The following PTPRD variants were observed in gnomAD, a reference collection of about 807,000 sequenced individuals.
PTPRD encodes the protein protein tyrosine phosphatase receptor type D.
In PTPRD, 34 loss-of-function variants were observed where a neutral mutation model predicts 214.5. That is an observed-to-expected ratio of 0.16 (90% CI 0.12 to 0.21). PTPRD has a LOEUF of 0.21. PTPRD is among the 10% of genes least tolerant of loss of function. The probability of loss-of-function intolerance (pLI) is 1.00; values close to 1 mark genes in which losing one functional copy is unlikely to be tolerated. For synonymous variants in PTPRD, 1,128 were observed against 845.7 expected (o/e 1.33, Z -5.79); for missense variants, 2,545 against 2,398.7 (o/e 1.06, Z -1.27).
At chr9:10,586,907 A>G (rs1339070350) in intron 2 of PTPRD, among the ~76,000 whole-genome samples, 1 of 151,904 alleles carries the variant, frequency 6.6e-6, no homozygotes, top group Non-Finnish European at 1.5e-5. Context: ...TAATCAACAC[A>G]CTTTTGCTTA....
intron 9 of PTPRD, among the ~76,000 whole-genome samples, chr9:9,253,657 G>C (rs1041728188): frequency 6.6e-6 from 1 of 152,060 alleles, no homozygotes; most frequent in Non-Finnish European, 1.5e-5. Flanking sequence ...ATAAAAAATG[G>C]TTTGAGTGAT....
chr9:9,201,703 AAAT>A (rs1241746219), intron 9 of PTPRD, among the ~76,000 whole-genome samples: 1 of 152,236 alleles, frequency 6.6e-6, no homozygotes, highest in African/African-American at 2.4e-5. Context: ...TAAAAGGTAA[AAAT>A]AATGTTTTGT....
intron 2 of PTPRD, among the ~76,000 whole-genome samples, chr9:10,431,377 A>C (rs2098676662): frequency 6.6e-6 from 1 of 152,034 alleles, no homozygotes; most frequent in Non-Finnish European, 1.5e-5. Flanking sequence ...AGGCATGGGC[A>C]AGGACTTCAT....
intron 2 of PTPRD, among the ~76,000 whole-genome samples, chr9:10,506,709 A>C (rs926362778): frequency 6.6e-6 from 1 of 152,130 alleles, no homozygotes; most frequent in Non-Finnish European, 1.5e-5. Flanking sequence ...AGTTTCCTGC[A>C]ATCAGTGACA....
At chr9:9,596,342 A>G (rs1272648522) in intron 7 of PTPRD, among the ~76,000 whole-genome samples, 1 of 152,038 alleles carries the variant, frequency 6.6e-6, no homozygotes, top group Non-Finnish European at 1.5e-5. Flanking sequence ...TATATTATAT[A>G]GAAATACCTT....
intron 9 of PTPRD, among the ~76,000 whole-genome samples, chr9:9,225,509 G>T (rs2099958856): frequency 6.6e-6 from 1 of 152,012 alleles, no homozygotes; most frequent in African/African-American, 2.4e-5. Flanking sequence ...AATTCCTTGT[G>T]CTACAAATCT....
chr9:9,208,224 C>T (rs890301076), intron 9 of PTPRD, among the ~76,000 whole-genome samples: 1 of 151,488 alleles, frequency 6.6e-6, no homozygotes, highest in African/African-American at 2.4e-5. Flanking sequence ...CCGTGTAAGC[C>T]AGGATGGTCT....
chr9:10,465,099 T>A (rs527409897), intron 2 of PTPRD, among the ~76,000 whole-genome samples: 6 of 152,110 alleles, frequency 3.9e-5, no homozygotes, highest in Non-Finnish European at 7.4e-5. Flanking sequence ...AAACACTGAG[T>A]GCCTTGGAAG....
chr9:9,461,370 G>C (rs1440253114), intron 8 of PTPRD, among the ~76,000 whole-genome samples: 1 of 151,956 alleles, frequency 6.6e-6, no homozygotes, highest in Admixed American at 6.6e-5. Flanking sequence ...TAGAGAAGTT[G>C]TCTGTATTTT....
At chr9:8,761,681 T>C (rs1039523131) in intron 11 of PTPRD, among the ~76,000 whole-genome samples, 1 of 152,196 alleles carries the variant, frequency 6.6e-6, no homozygotes, top group Non-Finnish European at 1.5e-5. Flanking sequence ...GATAATTTTA[T>C]AGACATCTAA....
In PTPRD at chr9:9,510,256, C is replaced by A. The variant is rs560263888; in HGVS notation, c.-237+64476G>T. On this transcript the variant is annotated intron_variant, in intron 8 of 45. Transcript: ENST00000381196. Reference sequence around the variant, plus strand: ...TCCTACATTAAAGTCATTTTTTTTTCTTTTTTGGAACTACTTAGAATAGTA... The same window carrying A: ...TCCTACATTAAAGTCATTTTTTTTTATTTTTTGGAACTACTTAGAATAGTA... Among the ~76,000 whole-genome samples, 4 of 150,448 alleles carry A rather than the reference C, an allele frequency of 2.7e-5. No individual in the cohort carries two copies. The East Asian group carries it at 7.9e-4, about 30-fold the overall frequency.
chr9:10,259,115 C>G (rs975067181), intron 3 of PTPRD, among the ~76,000 whole-genome samples: 1 of 152,028 alleles, frequency 6.6e-6, no homozygotes, highest in Non-Finnish European at 1.5e-5. Flanking sequence ...CTCCACCTCC[C>G]GGGTTCACAC....
At chr9:9,968,960 G>C (rs2094905612) in intron 4 of PTPRD, among the ~76,000 whole-genome samples, 2 of 152,112 alleles carry the variant, frequency 1.3e-5, no homozygotes, top group African/African-American at 4.8e-5. Flanking sequence ...CGATAAGCTG[G>C]TAAATTCATG....
chr9:9,698,734 T>C (rs62534688), intron 7 of PTPRD, among the ~76,000 whole-genome samples: 3,424 of 152,276 alleles, frequency 0.022, 63 homozygotes, highest in Non-Finnish European at 0.034. Flanking sequence ...AAAAGCTGGC[T>C]GTTCAATTTG....
Position 8,435,922 on chromosome 9 carries a change from C to G in PTPRD, c.4086+670G>C, listed in dbSNP as rs185023185. Among the ~76,000 whole-genome samples, 20 of 152,262 alleles carry G rather than the reference C, an allele frequency of 1.3e-4. 1 individual carries two copies. The highest frequency in any genetic ancestry group is 4.1e-4 in the African/African-American group (17 of 41,554). ...TTAGATTGAAGGATAAGATAATATA[C>G]ACATACTCAATAATTACAGAGTTTT... On this transcript the variant is annotated intron_variant, in intron 35 of 45. Transcript: ENST00000381196.
chr9:10,147,853 C>A (rs1232260674), intron 3 of PTPRD, among the ~76,000 whole-genome samples: 1 of 152,104 alleles, frequency 6.6e-6, no homozygotes, highest in Non-Finnish European at 1.5e-5. Context: ...GCACTCCAGC[C>A]TGGGCAACAA....
chr9:8,548,004 T>C (rs1056848944), intron 14 of PTPRD, among the ~76,000 whole-genome samples: 6 of 152,286 alleles, frequency 3.9e-5, no homozygotes, highest in African/African-American at 9.6e-5. Context: ...AAAACGTGCA[T>C]GTGAACACAG....
chr9:9,329,819 G>A (rs755114966), intron 9 of PTPRD, among the ~76,000 whole-genome samples: 5 of 152,174 alleles, frequency 3.3e-5, no homozygotes, highest in African/African-American at 4.8e-5. Flanking sequence ...TTTTCAGTAA[G>A]GTTCCATTAG....
intron 3 of PTPRD, among the ~76,000 whole-genome samples, chr9:10,055,965 A>G (rs1444783034): frequency 2.0e-5 from 3 of 147,472 alleles, no homozygotes; most frequent in Non-Finnish European, 4.4e-5. Flanking sequence ...ATAAAGTAGC[A>G]TCTAATGAAG....
Sources: gnomAD v4.1 joint callset for allele counts (sites outside exome capture counted in the v4.1 genomes callset) on GRCh38, gnomAD v4.1.1 for gene constraint, MANE v1.5 for transcripts, NCBI Gene and HGNC (gene_info 2026-07-23, HGNC 2026-07-21) for gene names.